Variants in TMTC2 observed in about 807,000 individuals in gnomAD.
TMTC2 encodes the protein protein O-mannosyl-transferase TMTC2.
A neutral mutation model predicts 82.4 loss-of-function variants in TMTC2; 43 were observed. The ratio of observed to expected loss-of-function variants is 0.52; its 90% CI spans 0.41 to 0.67. The LOEUF is 0.67. Ranked by LOEUF, TMTC2 falls within the 30% of genes least tolerant of loss-of-function variation. TMTC2 has a pLI of 0.00. For synonymous variants in TMTC2, 408 were observed against 381.9 expected (o/e 1.07, Z -0.80); for missense variants, 919 against 1,012.4 (o/e 0.91, Z 1.25).
chr12:83,024,853 A>G (rs1881091646), intron 8 of TMTC2, among the ~76,000 whole-genome samples: 1 of 152,222 alleles, frequency 6.6e-6, no homozygotes. Flanking sequence ...TACTAATAAC[A>G]TGTAAATAAG....
At chr12:82,865,178 A>G (rs778086173) in intron 2 of TMTC2, among the ~76,000 whole-genome samples, 5 of 152,084 alleles carry the variant, frequency 3.3e-5, no homozygotes, top group Non-Finnish European at 7.4e-5. Context: ...GTGAGCTGAG[A>G]TCGCGTCGCT....
intron 1 of TMTC2, among the ~76,000 whole-genome samples, chr12:82,756,433 A>G (rs545226700): frequency 1.7e-3 from 261 of 152,302 alleles, no homozygotes; most frequent in Non-Finnish European, 2.6e-3. Context: ...GGGAGCAATC[A>G]TCCTGCCAGT....
intron 1 of TMTC2, among the ~76,000 whole-genome samples, chr12:82,795,796 C>CG (rs1468015573): frequency 6.6e-6 from 1 of 152,094 alleles, no homozygotes; most frequent in African/African-American, 2.4e-5. Context: ...CCACACCTGC[C>CG]GGGACCTTGA....
intron 10 of TMTC2, among the ~76,000 whole-genome samples, chr12:83,056,522 A>T (rs1369260009): frequency 6.6e-6 from 1 of 151,926 alleles, no homozygotes; most frequent in Non-Finnish European, 1.5e-5. Context: ...TTCTTTATAC[A>T]TTCTACTGGA....
At chr12:83,057,740 T>G (rs532658928) in intron 10 of TMTC2, among the ~76,000 whole-genome samples, 1 of 152,026 alleles carries the variant, frequency 6.6e-6, no homozygotes, top group East Asian at 1.9e-4. Context: ...GCTCATAAGC[T>G]ATTCTTGAAA....
chr12:82,787,195 T>A (rs1181100884), intron 1 of TMTC2, among the ~76,000 whole-genome samples: 2 of 152,096 alleles, frequency 1.3e-5, no homozygotes, highest in Non-Finnish European at 2.9e-5. Context: ...ATCTTTCATG[T>A]TTTTTTCTCC....
chr12:83,007,741 T>C (rs1193477731), intron 8 of TMTC2, among the ~76,000 whole-genome samples: 1 of 152,200 alleles, frequency 6.6e-6, no homozygotes, highest in Non-Finnish European at 1.5e-5. Context: ...TTTTTTAATA[T>C]AGATCCAAGT....
At chr12:82,904,742 G>T (rs1874198992) in intron 3 of TMTC2, among the ~76,000 whole-genome samples, 1 of 152,150 alleles carries the variant, frequency 6.6e-6, no homozygotes, top group Non-Finnish European at 1.5e-5. Flanking sequence ...TTTGCTTAAA[G>T]AAAGAATTTC....
At position 82,895,963 on chromosome 12, in the gene TMTC2, T is replaced by A. The variant is rs1279166274; in HGVS notation, c.800T>A (p.Leu267His). 10 of 1,613,770 alleles carry A rather than the reference T, an allele frequency of 6.2e-6. No homozygotes were observed. Among genetic ancestry groups the A allele is most frequent in the Middle Eastern group, 1.6e-4 (1 of 6,084 alleles). Residue 267 changes from leucine to histidine, a missense_variant, in exon 3 of 12, where the codon CTC becomes CAC. Physicochemically the swap from Leu to His is moderately conservative, Grantham distance 99 (BLOSUM62 -3). Coordinates refer to ENST00000321196, the MANE Select transcript of TMTC2 (RefSeq NM_152588.3). Reference sequence around the variant, plus strand: ...CCCGCTGCTGATTCGGACAGCCTCCTCACCCGCACTCTCACCTTCTTCTAC... The same window carrying A: ...CCCGCTGCTGATTCGGACAGCCTCCACACCCGCACTCTCACCTTCTTCTAC... ...DNPAADSDSLLTRTLTFFYLP... is the reference protein window; with the variant it reads ...DNPAADSDSLHTRTLTFFYLP...
At chr12:82,873,213 T>TGTGTG (rs142938543) in intron 2 of TMTC2, among the ~76,000 whole-genome samples, 29 of 143,638 alleles carry the variant, frequency 2.0e-4, no homozygotes, top group African/African-American at 7.6e-4. Flanking sequence ...TTCAAAGATG[T>TGTGTG]TGTGTGTGTG....
intron 1 of TMTC2, among the ~76,000 whole-genome samples, chr12:82,791,800 T>C (rs150750218): frequency 1.6e-4 from 25 of 152,240 alleles, no homozygotes; most frequent in African/African-American, 5.5e-4. Context: ...GAGACACTTT[T>C]TGAGAACTAC....
At chr12:82,806,141 G>A (rs1331991163) in intron 1 of TMTC2, among the ~76,000 whole-genome samples, 1 of 152,118 alleles carries the variant, frequency 6.6e-6, no homozygotes, top group Non-Finnish European at 1.5e-5. Context: ...ATCTTATTTT[G>A]TGCGTTGAGT....
intron 1 of TMTC2, among the ~76,000 whole-genome samples, chr12:82,704,771 T>C (rs569326619): frequency 6.6e-6 from 1 of 152,282 alleles, no homozygotes; most frequent in East Asian, 1.9e-4. Flanking sequence ...ATTTCTGTTC[T>C]GTATTAAGAT....
chr12:82,999,289 G>A (rs902712654), intron 8 of TMTC2, among the ~76,000 whole-genome samples: 3 of 152,152 alleles, frequency 2.0e-5, no homozygotes, highest in Non-Finnish European at 4.4e-5. Flanking sequence ...ATTTTGTCAC[G>A]ATTAGACTTA....
chr12:83,045,396 T>C (rs1882050195), intron 9 of TMTC2, among the ~76,000 whole-genome samples: 1 of 152,038 alleles, frequency 6.6e-6, no homozygotes, highest in Non-Finnish European at 1.5e-5. Flanking sequence ...GAGAACAAAA[T>C]AAATTTTACT....
intron 11 of TMTC2, among the ~76,000 whole-genome samples, chr12:83,070,162 G>A (rs1232093427): frequency 6.6e-6 from 1 of 152,000 alleles, no homozygotes; most frequent in African/African-American, 2.4e-5. Context: ...TGCTTTGGCT[G>A]TGCAGGCTCT....
chr12:83,085,764 CTACAT>C (rs1318542809), intron 11 of TMTC2, among the ~76,000 whole-genome samples: 14 of 152,290 alleles, frequency 9.2e-5, no homozygotes, highest in African/African-American at 3.4e-4. Flanking sequence ...AAACTCAAGG[CTACAT>C]CCACTCTGGG....
intron 7 of TMTC2, among the ~76,000 whole-genome samples, chr12:82,970,628 C>T (rs565455233): frequency 1.3e-5 from 2 of 152,294 alleles, no homozygotes; most frequent in Non-Finnish European, 1.5e-5. Context: ...CCACCGCGCC[C>T]GGCCTCCTTA....
intron 4 of TMTC2, among the ~76,000 whole-genome samples, chr12:82,959,451 G>A (rs1256123035): frequency 1.3e-5 from 2 of 152,048 alleles, no homozygotes; most frequent in South Asian, 2.1e-4. Context: ...AACCAAAACA[G>A]CATGGTACTG....
Sources: gnomAD v4.1 joint callset for allele counts (sites outside exome capture counted in the v4.1 genomes callset) on GRCh38, gnomAD v4.1.1 for gene constraint, MANE v1.5 for transcripts, NCBI Gene and HGNC (gene_info 2026-07-23, HGNC 2026-07-21) for gene names.